The following SOX6 variants were observed in gnomAD, a reference collection of about 807,000 sequenced individuals.
The protein encoded by SOX6 is transcription factor SOX-6.
Under a neutral mutation model 97.8 loss-of-function variants are expected in SOX6, and 11 were observed. That is an observed-to-expected ratio of 0.11 (90% confidence interval 0.07 to 0.19). The LOEUF is 0.19. Among genes scored for constraint, SOX6 ranks in the 10% least tolerant of loss-of-function variants. SOX6 has a pLI of 1.00. For synonymous variants in SOX6, 360 were observed against 371.4 expected, an observed-to-expected ratio of 0.97 and a Z score of 0.35; for missense variants, 810 against 1,039.5, an observed-to-expected ratio of 0.78 and a Z score of 3.04.
chr11:16,163,378 C>T (rs1194849180), intron 6 of SOX6, among the ~76,000 whole-genome samples: 4 of 152,170 alleles, frequency 2.6e-5, no homozygotes, highest in East Asian at 3.9e-4. Flanking sequence ...TTTACTATGC[C>T]TTTTATAAAT....
chr11:16,422,944 C>G (rs1203547266), intron 1 of SOX6, among the ~76,000 whole-genome samples: 2 of 152,196 alleles, frequency 1.3e-5, no homozygotes, highest in Non-Finnish European at 2.9e-5. Context: ...TCTGCTTCAA[C>G]AACTGCTCTT....
At chr11:16,540,554 T>C (rs1861390349) in intron 4 of SOX6, among the ~76,000 whole-genome samples, 1 of 152,122 alleles carries the variant, frequency 6.6e-6, no homozygotes, top group Non-Finnish European at 1.5e-5. Context: ...CATAACATGA[T>C]TGTATATTTA....
At chr11:16,210,270 T>C (rs868840579) in intron 4 of SOX6, among the ~76,000 whole-genome samples, 1 of 152,164 alleles carries the variant, frequency 6.6e-6, no homozygotes, top group Non-Finnish European at 1.5e-5. Flanking sequence ...GAATAAAATG[T>C]GGCATATAGC....
At chr11:16,198,820 T>G (rs1851858884) in intron 4 of SOX6, among the ~76,000 whole-genome samples, 1 of 152,240 alleles carries the variant, frequency 6.6e-6, no homozygotes, top group African/African-American at 2.4e-5. Context: ...ACACTCTCTT[T>G]GCTCCCTACC....
At chr11:16,212,693 T>C (rs1852263735) in intron 4 of SOX6, among the ~76,000 whole-genome samples, 2 of 152,204 alleles carry the variant, frequency 1.3e-5, no homozygotes, top group African/African-American at 4.8e-5. Context: ...TATATAAACT[T>C]AGACCCTCAC....
chr11:16,571,608 T>TTTTGTTTG (rs34319439), intron 4 of SOX6, among the ~76,000 whole-genome samples: 64 of 151,902 alleles, frequency 4.2e-4, no homozygotes, highest in African/African-American at 1.5e-3. Context: ...TACATTCAGT[T>TTTTGTTTG]TTTGTTTGTT....
chr11:16,380,339 C>A (rs563716547), intron 1 of SOX6, among the ~76,000 whole-genome samples: 4 of 151,866 alleles, frequency 2.6e-5, no homozygotes, highest in African/African-American at 7.3e-5. Flanking sequence ...AACAGAAAAA[C>A]GTCAAGGATA....
At chr11:16,053,428 C>T (rs909269076) in intron 10 of SOX6, among the ~76,000 whole-genome samples, 1 of 152,096 alleles carries the variant, frequency 6.6e-6, no homozygotes, top group African/African-American at 2.4e-5. Context: ...ACCACTAAAA[C>T]CACCACACCA....
intron 6 of SOX6, among the ~76,000 whole-genome samples, chr11:16,140,883 G>T (rs912708055): frequency 6.6e-6 from 1 of 152,148 alleles, no homozygotes; most frequent in African/African-American, 2.4e-5. Context: ...CAGAATAGGT[G>T]CATAATAACC....
At chr11:16,599,443 C>G (rs1222148347) in intron 4 of SOX6, among the ~76,000 whole-genome samples, 2 of 152,096 alleles carry the variant, frequency 1.3e-5, no homozygotes, top group Non-Finnish European at 2.9e-5. Context: ...TAGTTACAGT[C>G]TAAAATATTA....
At chr11:16,332,355 T>C (rs1207032785) in intron 2 of SOX6, among the ~76,000 whole-genome samples, 1 of 152,176 alleles carries the variant, frequency 6.6e-6, no homozygotes. Context: ...ATTTGAATTA[T>C]TCATTTCTCA....
intron 3 of SOX6, among the ~76,000 whole-genome samples, chr11:16,679,420 A>G (rs1403588010): frequency 2.0e-5 from 3 of 152,222 alleles, no homozygotes; most frequent in African/African-American, 7.2e-5. Context: ...GAATAGCATC[A>G]ACATCAATAA....
intron 3 of SOX6, among the ~76,000 whole-genome samples, chr11:16,648,392 C>A (rs1479185226): frequency 1.3e-5 from 2 of 152,138 alleles, no homozygotes; most frequent in Non-Finnish European, 1.5e-5. Flanking sequence ...CCTGCCCCCA[C>A]CTGATGGTAT....
Position 15,986,198 on chromosome 11 carries a change from A to G in SOX6, c.2183+6T>C. On this transcript the variant is annotated splice_donor_region_variant and intron_variant, in intron 15 of 15. Coordinates refer to ENST00000683767, the MANE Select transcript of SOX6 (RefSeq NM_001367873.1). ...AGCCCAGGTGGCTAAATTCAGGAAT[A>G]CTTACCCCACAGTAAAGAACTGCCT... 2 of 1,613,908 alleles carry G rather than the reference A, an allele frequency of 1.2e-6. No homozygotes were observed. Among genetic ancestry groups the G allele is most frequent in the South Asian group, 1.1e-5 (1 of 91,074 alleles).
intron 2 of SOX6, among the ~76,000 whole-genome samples, chr11:16,324,560 CTAATA>C (rs2134312904): frequency 6.6e-6 from 1 of 152,070 alleles, no homozygotes; most frequent in African/African-American, 2.4e-5. Context: ...ATTAATAAGA[CTAATA>C]TACTTTTTTA....
At chr11:16,598,670 C>T (rs547710715) in intron 4 of SOX6, among the ~76,000 whole-genome samples, 130 of 151,096 alleles carry the variant, frequency 8.6e-4, no homozygotes, top group Non-Finnish European at 1.7e-3. Context: ...AAATCTGTTG[C>T]ATTTTCTTTT....
intron 4 of SOX6, among the ~76,000 whole-genome samples, chr11:16,200,663 T>C (rs189804876): frequency 1.9e-3 from 283 of 152,320 alleles, no homozygotes; most frequent in Middle Eastern, 6.8e-3. Flanking sequence ...GTTATGTTCT[T>C]TGACAAAGAA....
At chr11:16,150,907 G>A (rs1014847129) in intron 6 of SOX6, among the ~76,000 whole-genome samples, 1 of 152,006 alleles carries the variant, frequency 6.6e-6, no homozygotes, top group Non-Finnish European at 1.5e-5. Context: ...GAAATTATTC[G>A]TACCCAAGTG....
intron 4 of SOX6, among the ~76,000 whole-genome samples, chr11:16,513,279 A>G (rs1676901668): frequency 6.6e-6 from 1 of 152,164 alleles, no homozygotes; most frequent in Admixed American, 6.5e-5. Flanking sequence ...ATAAAACAAA[A>G]TTATAGGACT....
Sources: allele counts gnomAD v4.1 joint callset (sites outside exome capture counted in the v4.1 genomes callset), GRCh38; gene constraint gnomAD v4.1.1; transcripts MANE v1.5; gene names NCBI Gene and HGNC (gene_info 2026-07-23, HGNC 2026-07-21).